KCNIP4: variants seen among roughly 807,000 people sequenced by gnomAD.
KCNIP4 encodes potassium voltage-gated channel interacting protein 4.
A neutral mutation model predicts 34.0 loss-of-function variants in KCNIP4; 12 were observed. The observed-to-expected ratio is 0.35, with a 90% CI of 0.23 to 0.57. The LOEUF is 0.57. Among genes scored for constraint, KCNIP4 ranks in the 20% least tolerant of loss-of-function variants. KCNIP4 has a pLI of 0.83. For synonymous variants in KCNIP4, 124 were observed against 102.2 expected, an observed-to-expected ratio of 1.21 and a Z score of -1.29; for missense variants, 238 against 311.7, an observed-to-expected ratio of 0.76 and a Z score of 1.78.
At chr4:21,926,239 A>C (rs12502633) in intron 1 of KCNIP4, among the ~76,000 whole-genome samples, 36,203 of 152,144 alleles carry the variant, frequency 0.24, 5,301 homozygotes, top group South Asian at 0.36. Context: ...TGTTATTATG[A>C]AGCCTCTTTA....
chr4:21,256,199 A>AT (rs1265572534), intron 1 of KCNIP4, among the ~76,000 whole-genome samples: 1 of 152,218 alleles, frequency 6.6e-6, no homozygotes, highest in Admixed American at 6.5e-5. Flanking sequence ...AAAGTGTGCT[A>AT]TATGAGGAGG....
intron 1 of KCNIP4, among the ~76,000 whole-genome samples, chr4:21,552,715 T>C (rs530149074): frequency 4.6e-5 from 7 of 152,266 alleles, no homozygotes; most frequent in Admixed American, 3.9e-4. Flanking sequence ...ATTTTTTTAA[T>C]ACTTAGTTTT....
chr4:21,854,796 T>C (rs1340053012), intron 1 of KCNIP4, among the ~76,000 whole-genome samples: 1 of 152,220 alleles, frequency 6.6e-6, no homozygotes, highest in Non-Finnish European at 1.5e-5. Context: ...GATCTCCCTA[T>C]TTCTTCTTTG....
At chr4:20,982,434 T>C (rs75944638) in intron 1 of KCNIP4, among the ~76,000 whole-genome samples, 2,742 of 152,302 alleles carry the variant, frequency 0.018, 82 homozygotes, top group African/African-American at 0.063. Flanking sequence ...TTGTGTAACA[T>C]TGGAGAAACC....
chr4:21,663,997 T>G (rs1046865454), intron 1 of KCNIP4, among the ~76,000 whole-genome samples: 1 of 152,134 alleles, frequency 6.6e-6, no homozygotes, highest in Non-Finnish European at 1.5e-5. Flanking sequence ...CAGGCTGGAG[T>G]GCAGTGGCAC....
chr4:20,905,505 C>CTTTTTTTTTTTTTTT (rs1182454951), intron 1 of KCNIP4, among the ~76,000 whole-genome samples: 7 of 37,066 alleles, frequency 1.9e-4, no homozygotes, highest in African/African-American at 3.0e-4. Context: ...TGAACGTTTT[C>CTTTTTTTTTTTTTTT]TTTCTTTTTT....
intron 1 of KCNIP4, among the ~76,000 whole-genome samples, chr4:21,069,356 T>C (rs1475940105): frequency 1.3e-5 from 2 of 152,238 alleles, no homozygotes; most frequent in Non-Finnish European, 2.9e-5. Flanking sequence ...CAGCACATCA[T>C]TCTACTCTGT....
chr4:20,767,993 A>G (rs970454606), intron 3 of KCNIP4, among the ~76,000 whole-genome samples: 40 of 152,314 alleles, frequency 2.6e-4, no homozygotes, highest in African/African-American at 8.9e-4. Flanking sequence ...TTAAAATAGT[A>G]TTTAGCATGT....
intron 3 of KCNIP4, among the ~76,000 whole-genome samples, chr4:20,777,735 G>A (rs1294625751): frequency 6.6e-6 from 1 of 152,192 alleles, no homozygotes; most frequent in African/African-American, 2.4e-5. Flanking sequence ...TTGCAGAGAT[G>A]AATTAGTGTA....
In KCNIP4 at chr4:21,109,718, G is replaced by A. The variant is rs375021089; in HGVS notation, c.62-227009C>T. Among the ~76,000 whole-genome samples, 150 of 152,258 alleles carry A rather than the reference G, an allele frequency of 9.9e-4. 1 individual carries two copies. Among genetic ancestry groups the A allele is most frequent in the Non-Finnish European group, 1.6e-3 (107 of 68,022 alleles). On this transcript the variant is annotated intron_variant, in intron 1 of 8. Transcript: ENST00000382152. Reference sequence around the variant, plus strand: ...TGACTCACGCTGGGAGCTGTAGACCGGAGCTGTTCCTATTTGGCCATCTTG... The same window carrying A: ...TGACTCACGCTGGGAGCTGTAGACCAGAGCTGTTCCTATTTGGCCATCTTG...
intron 1 of KCNIP4, among the ~76,000 whole-genome samples, chr4:21,867,063 G>T (rs545147435): frequency 6.6e-6 from 1 of 152,026 alleles, no homozygotes; most frequent in African/African-American, 2.4e-5. Flanking sequence ...GAGCCACCAC[G>T]CCCGGCCAGC....
At chr4:21,890,688 A>C (rs1343279385) in intron 1 of KCNIP4, among the ~76,000 whole-genome samples, 1 of 152,110 alleles carries the variant, frequency 6.6e-6, no homozygotes, top group Admixed American at 6.6e-5. Context: ...CATCATGTCT[A>C]TTATATTATT....
chr4:21,668,238 G>C (rs1253821984), intron 1 of KCNIP4, among the ~76,000 whole-genome samples: 1 of 152,118 alleles, frequency 6.6e-6, no homozygotes, highest in South Asian at 2.1e-4. Flanking sequence ...GGGCAGTTGG[G>C]GGTGAGGAGA....
chr4:21,135,297 G>C (rs1435726616), intron 1 of KCNIP4, among the ~76,000 whole-genome samples: 2 of 152,196 alleles, frequency 1.3e-5, no homozygotes, highest in African/African-American at 2.4e-5. Context: ...CTGGTGCTAG[G>C]TAAGACTTAT....
intron 1 of KCNIP4, among the ~76,000 whole-genome samples, chr4:21,710,331 C>G (rs889865027): frequency 6.6e-6 from 1 of 152,150 alleles, no homozygotes; most frequent in Non-Finnish European, 1.5e-5. Context: ...ATACACCCTT[C>G]TCATCAGAGA....
At chr4:21,925,794 A>G (rs1440164597) in intron 1 of KCNIP4, among the ~76,000 whole-genome samples, 1 of 152,212 alleles carries the variant, frequency 6.6e-6, no homozygotes, top group Non-Finnish European at 1.5e-5. Context: ...AGACCCCACG[A>G]TAAGAGAGAC....
At chr4:21,461,241 T>C (rs759398452) in intron 1 of KCNIP4, among the ~76,000 whole-genome samples, 31 of 152,112 alleles carry the variant, frequency 2.0e-4, no homozygotes, top group Admixed American at 5.9e-4. Context: ...TGCTCCACCA[T>C]GGGAAGATGT....
At chr4:21,041,314 C>A (rs113759991) in intron 1 of KCNIP4, among the ~76,000 whole-genome samples, 4,557 of 151,878 alleles carry the variant, frequency 0.03, 206 homozygotes, top group African/African-American at 0.1. Context: ...CTGTGTATTT[C>A]ATGAATAACT....
At chr4:21,327,256 C>T (rs1015816257) in intron 1 of KCNIP4, among the ~76,000 whole-genome samples, 1 of 152,064 alleles carries the variant, frequency 6.6e-6, no homozygotes, top group Non-Finnish European at 1.5e-5. Context: ...TAACATTCCT[C>T]AGCTTTTGTT....
Sources: gnomAD v4.1 joint callset for allele counts (sites outside exome capture counted in the v4.1 genomes callset) on GRCh38, gnomAD v4.1.1 for gene constraint, MANE v1.5 for transcripts, NCBI Gene and HGNC (gene_info 2026-07-23, HGNC 2026-07-21) for gene names.